Variants in LRP2BP observed in about 807,000 individuals in gnomAD.
The protein encoded by LRP2BP is LRP2 binding protein.
In LRP2BP, 38 loss-of-function variants were observed where a neutral mutation model predicts 45.2. The observed-to-expected ratio is 0.84, with a 90% CI of 0.65 to 1.10. The LOEUF (loss-of-function observed/expected upper bound fraction) is 1.10, where lower values mean the gene tolerates loss of function less well. LRP2BP is among the 50% of genes least tolerant of loss of function. The pLI, the probability that LRP2BP is intolerant of heterozygous loss-of-function variation, is 0.00. For missense variants in LRP2BP, 385 were observed against 418.9 expected (o/e 0.92, Z 0.71); for synonymous variants, 153 against 153.9 (o/e 0.99, Z 0.04).
chr4:185,378,871 T>C (rs558196854), intron 1 of LRP2BP: 1 of 985,428 alleles, frequency 1.0e-6, no homozygotes, highest in Non-Finnish European at 1.2e-6. Flanking sequence ...GGCATTCCAC[T>C]GTTATGGCTT....
At chr4:185,381,311 T>G (rs1405383257) in intron 1 of LRP2BP, among the ~76,000 whole-genome samples, 2 of 152,212 alleles carry the variant, frequency 1.3e-5, no homozygotes, top group Admixed American at 1.3e-4. Context: ...ATATCACAAT[T>G]TATCTTTTCT....
intron 1 of LRP2BP, among the ~76,000 whole-genome samples, chr4:185,382,944 A>G (rs2095459738): frequency 2.0e-5 from 3 of 152,188 alleles, no homozygotes; most frequent in Admixed American, 1.3e-4. Flanking sequence ...TAAGAGTTTT[A>G]TATTTACTCT....
intron 1 of LRP2BP, among the ~76,000 whole-genome samples, chr4:185,385,931 C>T (rs1297393750): frequency 2.8e-5 from 4 of 144,588 alleles, no homozygotes; most frequent in African/African-American, 1.0e-4. Flanking sequence ...AAAGAAATAA[C>T]ATCATCTTAT....
upstream of LRP2BP, chr4:185,397,016 T>C: frequency 1.2e-6 from 2 of 1,610,876 alleles, no homozygotes; most frequent in African/African-American, 1.3e-5. Context: ...ATTCGTCTTC[T>C]CGTTAATGCG....
intron 2 of LRP2BP, 86 bp downstream of exon 2, chr4:185,377,995 C>T: frequency 4.6e-6 from 5 of 1,091,546 alleles, no homozygotes; most frequent in Admixed American, 4.5e-5. Context: ...CAATAAAACA[C>T]ATTATTTCTT....
chr4:185,376,909 C>G lies in LRP2BP; in HGVS notation c.216G>C (p.Glu72Asp). The G allele has an allele frequency of 6.2e-7, 1 of 1,600,162 alleles. No homozygotes were observed. The highest frequency in any genetic ancestry group is 8.6e-7 in the Non-Finnish European group (1 of 1,168,764). ...AAAACGAATAAACAAAAAATGATAC[C>G]TCTTCAAAATATAGTTGACCTCGTA... ...YFLRGQLYFE[E>D]GWYEEALEQF... Residue 72 changes from glutamate to aspartate, a missense_variant and splice_region_variant, in exon 3 of 9, where the codon GAG (glutamate) becomes GAC (aspartate). Physicochemically the swap from Glu to Asp is conservative, Grantham distance 45. Transcript: ENST00000505916.
intron 6 of LRP2BP, 21 bp downstream of exon 6, chr4:185,374,114 T>G (rs1370608159): frequency 2.5e-6 from 4 of 1,588,468 alleles, no homozygotes; most frequent in Non-Finnish European, 3.5e-6. Flanking sequence ...AACACTAGCA[T>G]TAAAAAAGAG....
Position 185,375,664 on chromosome 4 carries a change from A to G in LRP2BP, c.279T>C (p.Thr93=). The change falls in exon 4 of 9, where the codon ACT becomes ACC. Residue 93 remains threonine, a synonymous_variant. Coordinates refer to ENST00000505916, the MANE Select transcript of LRP2BP (RefSeq NM_001377440.1). The part of the protein sequence containing the change: ...EEIKEKDHQA[T]YQLGVMYYDG... The stretch of plus-strand genomic sequence containing the variant: ...CATAGTACATCACTCCTAGCTGGTA[A>G]GTTGCTTGATGGTCTTTCTCCTTGA... 1 of 1,612,270 alleles carries G rather than the reference A, an allele frequency of 6.2e-7. No individual in the cohort carries two copies. The highest frequency in any genetic ancestry group is 2.2e-5 in the East Asian group (1 of 44,776).
In LRP2BP at chr4:185,394,836, G is replaced by C; in HGVS notation, c.-79C>G. 6.1e-6 allele frequency: 6 copies of C among 985,264 alleles called. No homozygotes were observed. Among genetic ancestry groups the C allele is most frequent in the Non-Finnish European group, 7.2e-6 (6 of 829,916 alleles). The allele number at this position is 985,264 out of a possible 1,614,324, so 61.0% of individuals were successfully genotyped here. A position where few individuals can be genotyped will look rare whatever the true frequency, so the allele number is the denominator to read the frequency against. On this transcript the variant is annotated 5_prime_UTR_variant, in exon 1 of 9. Transcript: ENST00000505916. ...TAAATGGCATCCTCGTTCTGGAAAC[G>C]CATCTACCAGCAATTAAAACATGTA...
chr4:185,386,853 G>A (rs1474197683), intron 1 of LRP2BP, among the ~76,000 whole-genome samples: 1 of 152,178 alleles, frequency 6.6e-6, no homozygotes, highest in Non-Finnish European at 1.5e-5. Flanking sequence ...GAGGACAGAG[G>A]CAAGTGGATG....
rs1161298182 is a variant in LRP2BP at position 185,395,233 on chromosome 4, T to C, written c.-476A>G. The C allele has an allele frequency of 6.1e-6, 6 of 985,288 alleles. No homozygotes were observed. The highest frequency in any genetic ancestry group is 1.1e-4 in the East Asian group (1 of 8,834). The allele number at this position is 985,288 out of a possible 1,614,324, so 61.0% of individuals were successfully genotyped here. ...TAAAAAATAACTACCACTTAATGCA[T>C]ACTGAACAGAATCTTGTTTCAAAGA... On this transcript the variant is annotated 5_prime_UTR_variant, in exon 1 of 9. It removes an upstream start codon present in the reference 5' UTR. Coordinates refer to ENST00000505916, the MANE Select transcript of LRP2BP (RefSeq NM_001377440.1).
At chr4:185,397,010 G>C (rs2095505279), upstream of LRP2BP, 5 of 1,611,098 alleles carry the variant, frequency 3.1e-6, no homozygotes. Context: ...TTCTAGATTC[G>C]TCTTCTCGTT....
intron 1 of LRP2BP, among the ~76,000 whole-genome samples, chr4:185,388,380 C>G (rs542780103): frequency 2.2e-5 from 3 of 134,852 alleles, no homozygotes; most frequent in South Asian, 4.9e-4. Flanking sequence ...TTATTTCTGC[C>G]TACCTACTAA....
intron 1 of LRP2BP, among the ~76,000 whole-genome samples, chr4:185,392,978 G>A (rs184531436): frequency 6.6e-6 from 1 of 152,330 alleles, no homozygotes; most frequent in East Asian, 1.9e-4. Context: ...CGGTCACCCA[G>A]GCTGGAGTGC....
chr4:185,395,368 T>C lies in LRP2BP; in HGVS notation c.-611A>G. ...GAACGTGTCTGATACCCTTTATTAGTTAGGAATTCCTGAAAATGAACTTCT... is the reference window on the plus strand; with the variant it reads ...GAACGTGTCTGATACCCTTTATTAGCTAGGAATTCCTGAAAATGAACTTCT... On this transcript the variant is annotated 5_prime_UTR_variant, in exon 1 of 9. Coordinates refer to ENST00000505916, the MANE Select transcript of LRP2BP (RefSeq NM_001377440.1). 5 of 985,454 alleles carry C rather than the reference T, an allele frequency of 5.1e-6. No individual in the cohort carries two copies. Among genetic ancestry groups the C allele is most frequent in the Non-Finnish European group, 6.0e-6 (5 of 829,926 alleles). 61.0% of individuals were successfully genotyped at this position (985,454 alleles called of 1,614,324 possible).
intron 7 of LRP2BP, chr4:185,371,207 T>A: frequency 6.0e-6 from 1 of 166,422 alleles, no homozygotes; most frequent in Non-Finnish European, 1.3e-5. Flanking sequence ...GTTAGCCACA[T>A]AGGACCAGAA....
chr4:185,369,275 G>C (rs1419100402), intron 8 of LRP2BP, among the ~76,000 whole-genome samples: 1 of 143,408 alleles, frequency 7.0e-6, no homozygotes, highest in Non-Finnish European at 1.5e-5. Flanking sequence ...CTGGAGTGCA[G>C]TGGTGTGATC....
chr4:185,388,472 A>C (rs1417987832), intron 1 of LRP2BP, among the ~76,000 whole-genome samples: 1 of 6,968 alleles, frequency 1.4e-4, no homozygotes. Flanking sequence ...TAACCTGCCT[A>C]ACCTACCTAG....
intron 7 of LRP2BP, 67 bp from the exon 8 acceptor site, chr4:185,370,881 G>A (rs926344169): frequency 6.0e-6 from 9 of 1,509,178 alleles, no homozygotes; most frequent in Admixed American, 1.7e-5. Flanking sequence ...AAAACGATGC[G>A]CCTAGAGACT....
Sources: gnomAD v4.1 joint callset for allele counts (sites outside exome capture counted in the v4.1 genomes callset) on GRCh38, gnomAD v4.1.1 for gene constraint, MANE v1.5 for transcripts, NCBI Gene and HGNC (gene_info 2026-07-23, HGNC 2026-07-21) for gene names.